Variants in GPR158 observed in about 807,000 individuals in gnomAD.
GPR158 encodes the protein metabotropic glycine receptor.
In GPR158, 30 loss-of-function variants were observed where a neutral mutation model predicts 78.2. That is an observed-to-expected ratio of 0.38 (90% CI 0.29 to 0.52). GPR158 has a LOEUF of 0.52. Ranked by LOEUF, GPR158 falls within the 20% of genes least tolerant of loss-of-function variation. The pLI is 0.83. For synonymous variants in GPR158, 581 were observed against 591.1 expected (o/e 0.98, Z 0.25); for missense variants, 1,463 against 1,523.5 (o/e 0.96, Z 0.66).
intron 6 of GPR158, among the ~76,000 whole-genome samples, chr10:25,564,976 G>C (rs543391009): frequency 6.6e-6 from 1 of 152,226 alleles, no homozygotes; most frequent in South Asian, 2.1e-4. Context: ...CATGAAAACA[G>C]GTAGATAACT....
intron 2 of GPR158, among the ~76,000 whole-genome samples, chr10:25,355,315 A>G (rs1855534314): frequency 6.6e-6 from 1 of 152,050 alleles, no homozygotes; most frequent in Non-Finnish European, 1.5e-5. Context: ...GAGAGCCTTT[A>G]ATAAATTTTT....
chr10:25,396,537 G>A (rs1407892327), intron 3 of GPR158, among the ~76,000 whole-genome samples: 3 of 151,998 alleles, frequency 2.0e-5, no homozygotes, highest in Non-Finnish European at 4.4e-5. Flanking sequence ...AGTGGCTCAC[G>A]CTTGTAATCC....
chr10:25,411,780 A>G (rs181767913), intron 3 of GPR158, among the ~76,000 whole-genome samples: 108 of 151,748 alleles, frequency 7.1e-4, no homozygotes, highest in African/African-American at 2.3e-3. Flanking sequence ...CTAAAAATAC[A>G]AAAAATTAGC....
chr10:25,263,344 T>C (rs968868171), intron 2 of GPR158, among the ~76,000 whole-genome samples: 1 of 152,240 alleles, frequency 6.6e-6, no homozygotes, highest in Admixed American at 6.5e-5. Context: ...TGACTGTATT[T>C]AGGTGGGCTG....
At chr10:25,275,671 A>G (rs1194941818) in intron 2 of GPR158, among the ~76,000 whole-genome samples, 3 of 152,130 alleles carry the variant, frequency 2.0e-5, no homozygotes, top group African/African-American at 4.8e-5. Flanking sequence ...CATGTTAAGG[A>G]CTTTCATTTA....
At chr10:25,483,332 C>T (rs1259213969) in intron 5 of GPR158, among the ~76,000 whole-genome samples, 1 of 152,084 alleles carries the variant, frequency 6.6e-6, no homozygotes, top group Non-Finnish European at 1.5e-5. Context: ...CGACCAGGCA[C>T]AATCCCACCT....
rs1837466540 is a variant in GPR158, at chr10:25,599,684, GAGA to G, written c.*415_*417del. On this transcript the variant is annotated 3_prime_UTR_variant, in exon 11 of 11. Transcript: ENST00000376351. ...TAACTGAAATTCTAAGTAGCTGACC[GAGA>G]AGAACTTACTTTACCTATTTAACCT... The G allele has an allele frequency of 6.2e-6, 1 of 160,970 alleles. No individual in the cohort carries two copies. The highest frequency in any genetic ancestry group is 1.4e-5 in the Non-Finnish European group (1 of 73,368). The allele number at this position is 160,970 out of a possible 1,614,324, so 10.0% of individuals were successfully genotyped here.
At chr10:25,464,077 C>T (rs1335241871) in intron 4 of GPR158, among the ~76,000 whole-genome samples, 5 of 152,210 alleles carry the variant, frequency 3.3e-5, no homozygotes, top group African/African-American at 1.2e-4. Flanking sequence ...AACCACTTGT[C>T]AGAGTTCCAA....
intron 5 of GPR158, among the ~76,000 whole-genome samples, chr10:25,511,546 G>C (rs1036925737): frequency 1.3e-5 from 2 of 151,862 alleles, no homozygotes; most frequent in Non-Finnish European, 2.9e-5. Flanking sequence ...TTTAGTTTAA[G>C]TCCCCTCTAT....
intron 2 of GPR158, among the ~76,000 whole-genome samples, chr10:25,337,411 C>A (rs576810669): frequency 1.3e-5 from 2 of 152,138 alleles, no homozygotes; most frequent in African/African-American, 4.8e-5. Flanking sequence ...GTAACATGCA[C>A]CCTTTTGTGT....
chr10:25,265,082 T>G (rs2130737154), intron 2 of GPR158, among the ~76,000 whole-genome samples: 1 of 152,298 alleles, frequency 6.6e-6, no homozygotes, highest in South Asian at 2.1e-4. Flanking sequence ...TATGGGATCC[T>G]AGTGAGAAGA....
At chr10:25,574,774 A>G (rs1231097855) in intron 7 of GPR158, among the ~76,000 whole-genome samples, 1 of 152,184 alleles carries the variant, frequency 6.6e-6, no homozygotes, top group Non-Finnish European at 1.5e-5. Context: ...AATCCCAGCT[A>G]CTTGGGAGGC....
At chr10:25,332,690 C>T (rs1000130203) in intron 2 of GPR158, among the ~76,000 whole-genome samples, 14 of 152,128 alleles carry the variant, frequency 9.2e-5, no homozygotes, top group African/African-American at 3.1e-4. Flanking sequence ...CCTCCCTTCT[C>T]CTCTTCCCTC....
chr10:25,195,286 ACCT>A (rs1471768410), intron 1 of GPR158, among the ~76,000 whole-genome samples: 1 of 151,476 alleles, frequency 6.6e-6, no homozygotes, highest in Non-Finnish European at 1.5e-5. Flanking sequence ...GCTCACTGCA[ACCT>A]CCTCCTCCTG....
At chr10:25,390,839 T>C (rs1325267288) in intron 2 of GPR158, among the ~76,000 whole-genome samples, 1 of 152,240 alleles carries the variant, frequency 6.6e-6, no homozygotes, top group African/African-American at 2.4e-5. Context: ...GAAAAATGTC[T>C]GTAGGGCATG....
intron 2 of GPR158, among the ~76,000 whole-genome samples, chr10:25,355,648 T>C (rs1855540749): frequency 6.6e-6 from 1 of 152,116 alleles, no homozygotes; most frequent in Non-Finnish European, 1.5e-5. Context: ...TTGGTTTTTA[T>C]TGGATCTGTT....
intron 4 of GPR158, among the ~76,000 whole-genome samples, chr10:25,447,001 C>G (rs571321656): frequency 6.6e-6 from 1 of 151,996 alleles, no homozygotes; most frequent in Non-Finnish European, 1.5e-5. Context: ...TTATCTGAGG[C>G]CAGGAAAAAG....
chr10:25,517,618 T>C (rs1012227997), intron 5 of GPR158, among the ~76,000 whole-genome samples: 2 of 152,148 alleles, frequency 1.3e-5, no homozygotes, highest in Admixed American at 1.3e-4. Context: ...TTTCTGCATC[T>C]ATTGAGATAA....
intron 5 of GPR158, among the ~76,000 whole-genome samples, chr10:25,521,231 G>C (rs1036068533): frequency 5.3e-5 from 8 of 152,270 alleles, no homozygotes; most frequent in Admixed American, 3.9e-4. Flanking sequence ...GCTCGCGCAC[G>C]GTGCACGCAC....
Sources: gnomAD v4.1 joint callset for allele counts (sites outside exome capture counted in the v4.1 genomes callset) on GRCh38, gnomAD v4.1.1 for gene constraint, MANE v1.5 for transcripts, NCBI Gene and HGNC (gene_info 2026-07-23, HGNC 2026-07-21) for gene names.